Variants in RARS2 observed in about 807,000 individuals in gnomAD.
RARS2 encodes the protein arginyl-tRNA synthetase 2, mitochondrial.
Under a neutral mutation model 88.5 loss-of-function variants are expected in RARS2, and 67 were observed. That is an observed-to-expected ratio of 0.76 (90% confidence interval 0.62 to 0.93). The LOEUF is 0.93. RARS2 is among the 40% of genes least tolerant of loss of function. The probability of loss-of-function intolerance (pLI) is 0.00; values close to 1 mark genes in which losing one functional copy is unlikely to be tolerated. For synonymous variants in RARS2, 239 were observed against 230.3 expected (o/e 1.04, Z -0.34); for missense variants, 664 against 684.2 (o/e 0.97, Z 0.33).
intron 1 of RARS2, among the ~76,000 whole-genome samples, chr6:87,589,488 A>T (rs563173499): frequency 6.6e-6 from 1 of 152,324 alleles, no homozygotes; most frequent in South Asian, 2.1e-4. Context: ...ACCAAAAACA[A>T]TTCTAGGGTA....
chr6:87,516,973 G>A (rs528222012), intron 17 of RARS2, 93 bp from the exon 18 acceptor site: 25 of 1,554,884 alleles, frequency 1.6e-5, no homozygotes, highest in African/African-American at 2.7e-5. Context: ...AGGTTGACTC[G>A]ACACGATTAA....
intron 1 of RARS2, among the ~76,000 whole-genome samples, chr6:87,574,511 G>A (rs1340129051): frequency 1.3e-5 from 2 of 152,310 alleles, no homozygotes; most frequent in East Asian, 1.9e-4. Context: ...TGTCAAGCAT[G>A]AGCAAGAAGA....
chr6:87,542,649 T>C (rs1295315527), intron 7 of RARS2, among the ~76,000 whole-genome samples: 1 of 111,872 alleles, frequency 8.9e-6, no homozygotes, highest in Non-Finnish European at 1.9e-5. Flanking sequence ...AATTTGAACC[T>C]AAAAAAAAAA....
intron 1 of RARS2, among the ~76,000 whole-genome samples, chr6:87,578,697 G>A (rs1582851756): frequency 6.6e-6 from 1 of 151,986 alleles, no homozygotes; most frequent in Non-Finnish European, 1.5e-5. Context: ...AGTGGCTTGC[G>A]CCTGTAATCC....
At position 87,515,021 on chromosome 6, in the gene RARS2, C is replaced by G. The variant is rs1253353417; in HGVS notation, c.1587-1G>C. 1.2e-6 allele frequency: 2 copies of G among 1,611,312 alleles called. No homozygotes were observed. Among genetic ancestry groups the G allele is most frequent in the Non-Finnish European group, 1.7e-6 (2 of 1,177,594 alleles). On this transcript the variant is annotated splice_acceptor_variant, in intron 18 of 19. Transcript: ENST00000369536. LOFTEE classifies it high-confidence loss of function. The stretch of plus-strand genomic sequence containing the variant: ...TTTGTGTGCCACAGCTGCAAGATGA[C>G]TGAAACAGGAAGAGAGAAATCACGA...
chr6:87,521,335 C>T, intron 12 of RARS2, 129 bp downstream of exon 12: 2 of 695,738 alleles, frequency 2.9e-6, no homozygotes, highest in East Asian at 2.7e-5. Context: ...ATAGAAGTTG[C>T]CCACTTTAAA....
chr6:87,515,380 C>T (rs983634844), intron 18 of RARS2, among the ~76,000 whole-genome samples: 7 of 151,960 alleles, frequency 4.6e-5, no homozygotes, highest in African/African-American at 9.7e-5. Context: ...ATTAGCCGGG[C>T]GTGGTGGCAT....
At chr6:87,577,230 T>C (rs531785214) in intron 1 of RARS2, among the ~76,000 whole-genome samples, 2 of 152,360 alleles carry the variant, frequency 1.3e-5, no homozygotes, top group African/African-American at 4.8e-5. Flanking sequence ...CTCACTTTGT[T>C]GCCCAGGCTG....
In RARS2 at chr6:87,545,571, T is replaced by G. The variant is rs1273541428; in HGVS notation, c.535+45A>C. On this transcript the variant is annotated intron_variant, in intron 7 of 19. Transcript: ENST00000369536. ...TGTCCAGATCAAAGTTTTTACAAAT[T>G]GAATTTTACAATGAAATGAAAAATA... 4 of 1,611,912 alleles carry G rather than the reference T, an allele frequency of 2.5e-6. 1 individual carries two copies. In the Admixed American group the frequency reaches 6.7e-5, roughly 27 times the overall value.
Position 87,564,182 on chromosome 6 carries a change from T to C in RARS2, c.161A>G (p.Asn54Ser), listed in dbSNP as rs1338388806. 7 of 1,613,756 alleles carry C rather than the reference T, an allele frequency of 4.3e-6. No homozygotes were observed. The highest frequency in any genetic ancestry group is 5.9e-6 in the Non-Finnish European group (7 of 1,179,814). ...LSVDSLLEKD[N>S]DHSRPDIQVQ... ...TTGAATATCTGGTCTTGAATGGTCA[T>C]TGTCTTTTTCCAATAAAGAATCCAC... Residue 54 changes from asparagine to serine, a missense_variant, in exon 3 of 20, where the codon AAT becomes AGT. Transcript: ENST00000369536.
chr6:87,525,292 A>G (rs1322802290), intron 10 of RARS2, among the ~76,000 whole-genome samples: 1 of 152,232 alleles, frequency 6.6e-6, no homozygotes, highest in Non-Finnish European at 1.5e-5. Flanking sequence ...TGTTTAGCTG[A>G]CAGGAAGCTA....
At position 87,564,176 on chromosome 6, in the gene RARS2, T is replaced by G. The variant is rs1361183505; in HGVS notation, c.167A>C (p.His56Pro). 1.2e-6 allele frequency: 2 copies of G among 1,613,900 alleles called. No homozygotes were observed. The highest frequency in any genetic ancestry group is 2.2e-5 in the South Asian group (2 of 91,086). Residue 56 changes from histidine (H) to proline (P), a missense_variant, in exon 3 of 20, where the codon CAT becomes CCT. Physicochemically the swap from His to Pro is moderately conservative, Grantham distance 77. Transcript: ENST00000369536. ...VDSLLEKDND[H>P]SRPDIQVQAK... ...TTGAACTTGAATATCTGGTCTTGAA[T>G]GGTCATTGTCTTTTTCCAATAAAGA...
At chr6:87,549,353 T>C (rs2128128884) in intron 5 of RARS2, among the ~76,000 whole-genome samples, 1 of 150,968 alleles carries the variant, frequency 6.6e-6, no homozygotes, top group African/African-American at 2.4e-5. Flanking sequence ...CAAAACTCTG[T>C]CTCAAAAAAA....
chr6:87,587,981 C>T (rs1380747607), intron 1 of RARS2, among the ~76,000 whole-genome samples: 1 of 152,026 alleles, frequency 6.6e-6, no homozygotes, highest in Non-Finnish European at 1.5e-5. Context: ...CCTATGTTGC[C>T]CAGGCTGGTC....
At position 87,514,987 on chromosome 6, in the gene RARS2, T is replaced by C; in HGVS notation, c.1620A>G (p.Gln540=). 6.2e-7 allele frequency: 1 copy of C among 1,613,440 alleles called. No individual in the cohort carries two copies. The highest frequency in any genetic ancestry group is 8.5e-7 in the Non-Finnish European group (1 of 1,179,368). ...HLAAVAHKTL[Q]IKDSPPEVAG... ...CCACTTCAGGAGGACTATCTTTTATTTGTAGTGTTTTGTGTGCCACAGCTG... is the reference window on the plus strand; with the variant it reads ...CCACTTCAGGAGGACTATCTTTTATCTGTAGTGTTTTGTGTGCCACAGCTG... The change falls in exon 19 of 20, where the codon CAA becomes CAG. Residue 540 remains glutamine (Q), a synonymous_variant. Coordinates refer to ENST00000369536, the MANE Select transcript of RARS2 (RefSeq NM_020320.5).
rs770188149 is a variant in RARS2 at position 87,516,810 on chromosome 6, A to G, written c.1582T>C (p.Leu528=). The change falls in exon 18 of 20, where the codon TTA becomes CTA. Residue 528 remains leucine, a synonymous_variant. Transcript: ENST00000369536. ...AACAGGAAGATTATAAAGTACCTTA[A>G]AGTTAGAAGGTAACTGACGATATGC... is the stretch of plus-strand genomic sequence containing the variant. ...PRHIVSYLLT[L]SHLAAVAHKT... The G allele has an allele frequency of 3.1e-6, 5 of 1,613,500 alleles. No homozygotes were observed. The highest frequency in any genetic ancestry group is 4.2e-6 in the Non-Finnish European group (5 of 1,179,712).
intron 10 of RARS2, among the ~76,000 whole-genome samples, chr6:87,528,315 G>C (rs1190793592): frequency 6.6e-6 from 1 of 151,224 alleles, no homozygotes; most frequent in Non-Finnish European, 1.5e-5. Flanking sequence ...CTGTTGGTGG[G>C]AATGTTGGTA....
At chr6:87,539,716 C>A (rs149375713) in intron 8 of RARS2, among the ~76,000 whole-genome samples, 1 of 152,164 alleles carries the variant, frequency 6.6e-6, no homozygotes, top group Admixed American at 6.5e-5. Context: ...CTCCTTTGTT[C>A]GGTATACTCT....
At chr6:87,564,651 A>C (rs768576196) in intron 2 of RARS2, 3 of 289,828 alleles carry the variant, frequency 1.0e-5, no homozygotes, top group Middle Eastern at 1.2e-3. Context: ...CCTGGGTGAC[A>C]AGAGCGAAAC....
Sources: allele counts gnomAD v4.1 joint callset (sites outside exome capture counted in the v4.1 genomes callset), GRCh38; gene constraint gnomAD v4.1.1; transcripts MANE v1.5; gene names NCBI Gene and HGNC (gene_info 2026-07-23, HGNC 2026-07-21).